EYS: variants seen among roughly 807,000 people sequenced by gnomAD.
EYS encodes protein eyes shut homolog.
A neutral mutation model predicts 282.1 loss-of-function variants in EYS; 250 were observed. The observed-to-expected ratio is 0.89, with a 90% CI of 0.80 to 0.98. The LOEUF (loss-of-function observed/expected upper bound fraction) is 0.98. EYS is among the 50% of genes least tolerant of loss of function. The pLI is 0.00. For synonymous variants in EYS, 1,355 were observed against 1,282.9 expected, an observed-to-expected ratio of 1.06 and a Z score of -1.20; for missense variants, 4,016 against 3,709.0, an observed-to-expected ratio of 1.08 and a Z score of -2.15.
intron 8 of EYS, among the ~76,000 whole-genome samples, chr6:65,356,073 T>A (rs933807949): frequency 3.3e-5 from 5 of 152,104 alleles, no homozygotes; most frequent in African/African-American, 1.2e-4. Context: ...GTGGGATCAA[T>A]CTAAGTGTCC....
chr6:64,715,781 T>C (rs1771371855), intron 22 of EYS, among the ~76,000 whole-genome samples: 2 of 152,238 alleles, frequency 1.3e-5, no homozygotes, highest in African/African-American at 2.4e-5. Context: ...TGCCTCCACT[T>C]TATCTGCTGA....
At chr6:65,013,486 T>C (rs1771945562) in intron 13 of EYS, among the ~76,000 whole-genome samples, 1 of 152,164 alleles carries the variant, frequency 6.6e-6, no homozygotes, top group Admixed American at 6.5e-5. Context: ...ACATGATCAA[T>C]TTCCTTGCTA....
intron 11 of EYS, chr6:65,332,332 T>A (rs780019546): frequency 6.7e-6 from 5 of 749,800 alleles, no homozygotes; most frequent in Non-Finnish European, 1.2e-5. Context: ...ACTTATATTC[T>A]TACGATAAAT....
intron 36 of EYS, among the ~76,000 whole-genome samples, chr6:63,853,110 A>G (rs534030853): frequency 1.3e-5 from 2 of 152,198 alleles, no homozygotes; most frequent in Admixed American, 6.5e-5. Flanking sequence ...CCTATTCAAC[A>G]TAGTATTGGA....
chr6:64,592,220 G>C (rs1263096805), intron 25 of EYS, among the ~76,000 whole-genome samples: 1 of 152,118 alleles, frequency 6.6e-6, no homozygotes, highest in Non-Finnish European at 1.5e-5. Context: ...GAGGGCTAAA[G>C]TTAGAACAAA....
chr6:63,794,627 T>C (rs553627136), intron 37 of EYS, among the ~76,000 whole-genome samples: 11 of 152,372 alleles, frequency 7.2e-5, no homozygotes, highest in Non-Finnish European at 2.9e-5. Context: ...GCTATAGAAT[T>C]ATTTCATTCT....
intron 35 of EYS, among the ~76,000 whole-genome samples, chr6:63,973,636 G>T (rs1000272528): frequency 1.3e-5 from 2 of 151,984 alleles, no homozygotes; most frequent in Non-Finnish European, 2.9e-5. Flanking sequence ...AGATAAATTC[G>T]TATGAGAACA....
At chr6:64,270,017 C>G (rs1002407490) in intron 30 of EYS, among the ~76,000 whole-genome samples, 1 of 151,986 alleles carries the variant, frequency 6.6e-6, no homozygotes, top group African/African-American at 2.4e-5. Flanking sequence ...TAAATTTTTT[C>G]TTAGACAATT....
At chr6:65,232,986 T>A (rs1766823659) in intron 12 of EYS, among the ~76,000 whole-genome samples, 1 of 152,174 alleles carries the variant, frequency 6.6e-6, no homozygotes, top group African/African-American at 2.4e-5. Context: ...TCCTGTGAAT[T>A]TTTCATTTCA....
rs1028791002 is a variant in EYS at position 64,590,539 on chromosome 6, T to C, written c.5328A>G (p.Pro1776=). 3.2e-6 allele frequency: 5 copies of C among 1,551,244 alleles called. No individual in the cohort carries two copies. The highest frequency in any genetic ancestry group is 1.2e-5 in the South Asian group (1 of 84,058). The change falls in exon 26 of 43, where the codon CCA becomes CCG. Residue 1776 remains proline (P), a synonymous_variant. Coordinates refer to ENST00000503581, the MANE Select transcript of EYS (RefSeq NM_001142800.2). ...AAAAATCAGGCACTGAGCCTGTCAA[T>C]GGTGGCAGATTATTTTTGAAGTCAT... The part of the protein sequence containing the change: ...HANDFKNNLP[P]LTGSVPDFSE...
intron 26 of EYS, among the ~76,000 whole-genome samples, chr6:64,577,425 T>C (rs558870481): frequency 6.6e-6 from 1 of 152,026 alleles, no homozygotes; most frequent in Non-Finnish European, 1.5e-5. Flanking sequence ...TCTCTCTCAA[T>C]CGTTCAAATT....
At chr6:65,514,760 C>A (rs928016460) in intron 2 of EYS, among the ~76,000 whole-genome samples, 28 of 152,242 alleles carry the variant, frequency 1.8e-4, no homozygotes, top group African/African-American at 5.8e-4. Flanking sequence ...AAACTGGATC[C>A]CTTCCTTACA....
chr6:64,618,919 T>C (rs563903827), intron 23 of EYS, among the ~76,000 whole-genome samples: 1 of 152,318 alleles, frequency 6.6e-6, no homozygotes, highest in South Asian at 2.1e-4. Context: ...AAACATATTA[T>C]TGAGCATAAA....
chr6:65,295,668 G>A lies in EYS; in HGVS notation c.2023+195C>T, dbSNP rs1768640014. The A allele has an allele frequency of 1.5e-5, 9 of 586,408 alleles. No homozygotes were observed. The Admixed American group carries it at 2.5e-4, about 16-fold the overall frequency. The allele number at this position is 586,408 out of a possible 1,614,324, so 36.3% of individuals were successfully genotyped here. A position where few individuals can be genotyped will look rare whatever the true frequency, so the allele number is the denominator to read the frequency against. On this transcript the variant is annotated intron_variant, in intron 12 of 42. Coordinates refer to ENST00000503581, the MANE Select transcript of EYS (RefSeq NM_001142800.2). Reference sequence around the variant, plus strand: ...TTATTTGCATGAGCAAGGCTGTGTAGTCAGATTAAATTGCCCAAAGAAGCA... The same window carrying A: ...TTATTTGCATGAGCAAGGCTGTGTAATCAGATTAAATTGCCCAAAGAAGCA...
intron 8 of EYS, among the ~76,000 whole-genome samples, chr6:65,366,699 A>T (rs2150338152): frequency 6.6e-6 from 1 of 151,730 alleles, no homozygotes; most frequent in Middle Eastern, 3.4e-3. Context: ...AACAACATTT[A>T]TTCTCTAACA....
intron 26 of EYS, among the ~76,000 whole-genome samples, chr6:64,542,225 A>C (rs997237481): frequency 1.2e-4 from 18 of 152,082 alleles, no homozygotes; most frequent in South Asian, 2.1e-4. Flanking sequence ...TTTTTAATTT[A>C]TATTATATTA....
chr6:64,701,470 A>G (rs1770786037), intron 22 of EYS, among the ~76,000 whole-genome samples: 3 of 152,218 alleles, frequency 2.0e-5, no homozygotes, highest in South Asian at 4.1e-4. Flanking sequence ...CCAAAAGGAA[A>G]AAAACCATTA....
intron 2 of EYS, among the ~76,000 whole-genome samples, chr6:65,616,854 T>G (rs1260593169): frequency 6.6e-6 from 1 of 152,108 alleles, no homozygotes; most frequent in African/African-American, 2.4e-5. Flanking sequence ...CGTATATATC[T>G]TAGTTCAATA....
At chr6:64,786,636 A>C (rs973250560) in intron 22 of EYS, among the ~76,000 whole-genome samples, 1 of 152,032 alleles carries the variant, frequency 6.6e-6, no homozygotes, top group African/African-American at 2.4e-5. Flanking sequence ...ATATTAGGTA[A>C]TTTCTAATTG....
Sources: gnomAD v4.1 joint callset for allele counts (sites outside exome capture counted in the v4.1 genomes callset) on GRCh38, gnomAD v4.1.1 for gene constraint, MANE v1.5 for transcripts, NCBI Gene and HGNC (gene_info 2026-07-23, HGNC 2026-07-21) for gene names.